Variants in COQ5 observed in about 807,000 individuals in gnomAD.
The protein encoded by COQ5 is 2-methoxy-6-polyprenyl-1,4-benzoquinol methylase, mitochondrial.
Under a neutral mutation model 40.5 loss-of-function variants are expected in COQ5, and 27 were observed. The observed-to-expected ratio is 0.67, with a 90% CI of 0.49 to 0.92. COQ5 has a LOEUF of 0.92. Among genes scored for constraint, COQ5 ranks in the 40% least tolerant of loss-of-function variants. COQ5 has a pLI of 0.00. For synonymous variants in COQ5, 141 were observed against 150.0 expected (o/e 0.94, Z 0.44); for missense variants, 409 against 406.4 (o/e 1.01, Z -0.06).
At chr12:120,512,883 C>T (rs540351317) in intron 3 of COQ5, among the ~76,000 whole-genome samples, 1 of 150,180 alleles carries the variant, frequency 6.7e-6, no homozygotes, top group African/African-American at 2.4e-5. Context: ...CATGGCAAAA[C>T]CCTATCTCTA....
At chr12:120,506,145 A>G (rs888936955) in intron 4 of COQ5, among the ~76,000 whole-genome samples, 1 of 152,108 alleles carries the variant, frequency 6.6e-6, no homozygotes, top group Non-Finnish European at 1.5e-5. Flanking sequence ...GTGAGCCACC[A>G]TGCCTGGCCG....
chr12:120,511,256 CA>C (rs33968461), intron 3 of COQ5, among the ~76,000 whole-genome samples: 139 of 93,046 alleles, frequency 1.5e-3, no homozygotes, highest in Admixed American at 2.2e-3. Flanking sequence ...GACTCTGTCT[CA>C]AAAAAAAAAA....
intron 4 of COQ5, among the ~76,000 whole-genome samples, chr12:120,507,077 G>C (rs9669127): frequency 6.6e-6 from 1 of 151,866 alleles, no homozygotes; most frequent in Non-Finnish European, 1.5e-5. Context: ...CAAGTGATCT[G>C]CCCGCCTCGG....
chr12:120,513,459 G>A (rs1438505383), intron 3 of COQ5, among the ~76,000 whole-genome samples: 5 of 146,378 alleles, frequency 3.4e-5, no homozygotes, highest in East Asian at 2.1e-4. Context: ...CCGAGATTGC[G>A]CCACTGCACT....
chr12:120,522,306 CTCA>C lies in COQ5; in HGVS notation c.257_259del (p.Met86del), dbSNP rs1286367986. ...CTTCCAAACACGATGGATACCAAGA[CTCA>C]TCATATCATTCATCACATCATACTT... On this transcript the variant is annotated inframe_deletion, in exon 2 of 7. Coordinates refer to ENST00000288532, the MANE Select transcript of COQ5 (RefSeq NM_032314.4). 2 of 1,613,778 alleles carry C rather than the reference CTCA, an allele frequency of 1.2e-6. No homozygotes were observed. Among genetic ancestry groups the C allele is most frequent in the Non-Finnish European group, 1.7e-6 (2 of 1,179,680 alleles).
rs139585780 is a variant in COQ5, at chr12:120,529,006, C to T, written c.136G>A (p.Glu46Lys). 1.4e-4 allele frequency: 222 copies of T among 1,614,154 alleles called. No homozygotes were observed. In the East Asian group the frequency reaches 3.5e-3, roughly 25 times the overall value. Residue 46 changes from glutamate to lysine, a missense_variant, in exon 1 of 7, where the codon GAG becomes AAG. Coordinates refer to ENST00000288532, the MANE Select transcript of COQ5 (RefSeq NM_032314.4). ...AAGTGCGTTTCCGCTGCCCGCTTCTCTTGGGACAAGAGCCGAGCACTTAGT... is the reference window on the plus strand; with the variant it reads ...AAGTGCGTTTCCGCTGCCCGCTTCTTTTGGGACAAGAGCCGAGCACTTAGT... Reference protein sequence around the residue: ...DLLSARLLSQEKRAAETHFGF... With the variant: ...DLLSARLLSQKKRAAETHFGF...
intron 1 of COQ5, chr12:120,523,898 T>TTGTGCAC (rs1869802806): frequency 4.9e-6 from 2 of 409,128 alleles, no homozygotes; most frequent in Non-Finnish European, 9.8e-6. Context: ...TAATCCCAGC[T>TTGTGCAC]ACTCGGGTGG....
At chr12:120,513,049 C>T (rs1199520538) in intron 3 of COQ5, among the ~76,000 whole-genome samples, 2 of 151,310 alleles carry the variant, frequency 1.3e-5, no homozygotes, top group African/African-American at 2.4e-5. Flanking sequence ...ATCCACCTGC[C>T]TCGGCCTCCC....
In COQ5 at chr12:120,503,555, G is replaced by C. The variant is rs758171756; in HGVS notation, c.*229C>G. On this transcript the variant is annotated 3_prime_UTR_variant, in exon 7 of 7. Coordinates refer to ENST00000288532, the MANE Select transcript of COQ5 (RefSeq NM_032314.4). ...CAAGAGAAATTAGCAGTTGAGCAAAGATACAGACCAAATGCCTCTGGGAGA... is the reference window on the plus strand; with the variant it reads ...CAAGAGAAATTAGCAGTTGAGCAAACATACAGACCAAATGCCTCTGGGAGA... 4.6e-6 allele frequency: 3 copies of C among 649,688 alleles called. No homozygotes were observed. The highest frequency in any genetic ancestry group is 8.5e-6 in the Non-Finnish European group (3 of 351,412). The allele number at this position is 649,688 out of a possible 1,614,324, so 40.2% of individuals were successfully genotyped here.
intron 2 of COQ5, among the ~76,000 whole-genome samples, chr12:120,520,545 C>T (rs1016185952): frequency 1.3e-5 from 2 of 151,688 alleles, no homozygotes; most frequent in African/African-American, 2.4e-5. Flanking sequence ...AGGATGGTTT[C>T]GATCTCTTGA....
At chr12:120,528,652 A>C (rs931300671) in intron 1 of COQ5, among the ~76,000 whole-genome samples, 5 of 151,856 alleles carry the variant, frequency 3.3e-5, no homozygotes, top group African/African-American at 1.2e-4. Flanking sequence ...GAATACAAAA[A>C]AGTTAGCCGG....
chr12:120,507,964 A>G (rs1868953956), intron 4 of COQ5, among the ~76,000 whole-genome samples: 1 of 151,998 alleles, frequency 6.6e-6, no homozygotes, highest in African/African-American at 2.4e-5. Flanking sequence ...AAAATCTCCA[A>G]GAAATATTTG....
intron 4 of COQ5, among the ~76,000 whole-genome samples, chr12:120,505,233 T>C (rs1868826638): frequency 6.6e-6 from 1 of 152,140 alleles, no homozygotes; most frequent in Admixed American, 6.5e-5. Context: ...ATTGGTACAA[T>C]TGCATGAAGG....
chr12:120,514,273 G>A (rs1869275716), intron 3 of COQ5, among the ~76,000 whole-genome samples: 2 of 152,048 alleles, frequency 1.3e-5, no homozygotes, highest in African/African-American at 4.8e-5. Context: ...CTGGGGGTGG[G>A]AGGAGGAAGA....
chr12:120,520,962 A>AAT (rs1200138175), intron 2 of COQ5, among the ~76,000 whole-genome samples: 2 of 151,974 alleles, frequency 1.3e-5, no homozygotes, highest in Non-Finnish European at 2.9e-5. Context: ...ATCCCCTAAA[A>AAT]AAGAAGAAAA....
intron 1 of COQ5, among the ~76,000 whole-genome samples, chr12:120,528,277 G>C (rs1439245872): frequency 6.6e-6 from 1 of 151,908 alleles, no homozygotes; most frequent in African/African-American, 2.4e-5. Flanking sequence ...GGTAAAGAAC[G>C]GGGGCTTCAG....
chr12:120,517,350 C>A, intron 2 of COQ5, among the ~76,000 whole-genome samples: 1 of 149,172 alleles, frequency 6.7e-6, no homozygotes, highest in South Asian at 2.1e-4. Flanking sequence ...GAAACTCCGT[C>A]TCAAAAATAA....
In COQ5 at chr12:120,524,228, A is replaced by G. The variant is rs549368489; in HGVS notation, c.203-1865T>C. On this transcript the variant is annotated intron_variant, in intron 1 of 6. Transcript: ENST00000288532. ...TAGCTAAAGAGAGAAAGAGTCTACT[A>G]TCCAAGACTCTCAGAAGTGTTTCCC... Among the ~76,000 whole-genome samples, 53 of 152,214 alleles carry G rather than the reference A, an allele frequency of 3.5e-4. 1 individual carries two copies. Among genetic ancestry groups the G allele is most frequent in the Middle Eastern group, 3.4e-3 (1 of 294 alleles).
chr12:120,522,408 C>T lies in COQ5; in HGVS notation c.203-45G>A, dbSNP rs374245819. 3.8e-6 allele frequency: 6 copies of T among 1,597,980 alleles called. No homozygotes were observed. The African/African-American group carries it at 4.0e-5, about 11-fold the overall frequency. On this transcript the variant is annotated intron_variant, in intron 1 of 6. Coordinates refer to ENST00000288532, the MANE Select transcript of COQ5 (RefSeq NM_032314.4). ...CACAATAGTGCTATTAACAGAATTC[C>T]CTTAGAAAAATCCTAAACAAAAAAG...
Sources: allele counts gnomAD v4.1 joint callset (sites outside exome capture counted in the v4.1 genomes callset), GRCh38; gene constraint gnomAD v4.1.1; transcripts MANE v1.5; gene names NCBI Gene and HGNC (gene_info 2026-07-23, HGNC 2026-07-21).